Variants in ADAMTSL1 observed in about 807,000 individuals in gnomAD.
ADAMTSL1 encodes the protein ADAMTS like 1, also known as ADAMTS-like protein 1.
ADAMTSL1 carries 126 observed loss-of-function variants against 201.8 expected under a neutral mutation model. The ratio of observed to expected loss-of-function variants is 0.62; its 90% confidence interval spans 0.54 to 0.72. The LOEUF (loss-of-function observed/expected upper bound fraction) is 0.72. ADAMTSL1 is among the 30% of genes least tolerant of loss of function. The probability of loss-of-function intolerance (pLI) is 0.00; values close to 1 mark genes in which losing one functional copy is unlikely to be tolerated. For synonymous variants in ADAMTSL1, 1,121 were observed against 903.4 expected (o/e 1.24, Z -4.32); for missense variants, 2,679 against 2,277.8 (o/e 1.18, Z -3.59).
Position 18,906,860 on chromosome 9 carries a change from G to T in ADAMTSL1, c.5130G>T (p.Trp1710Cys), listed in dbSNP as rs760817930. 1 of 1,613,984 alleles carries T rather than the reference G, an allele frequency of 6.2e-7. No individual in the cohort carries two copies. Among genetic ancestry groups the T allele is most frequent in the South Asian group, 1.1e-5 (1 of 91,074 alleles). ...CAGTGCCTGAGCACCTGTGCTCCTG[G>T]GGGCCCCGGCCTGCCAACTGGCAGC... The part of the protein sequence containing the change: ...NKAVPEHLCS[W>C]GPRPANWQRC... The change falls in exon 28 of 29, where the codon TGG (tryptophan) becomes TGT (cysteine). Residue 1710 changes from tryptophan to cysteine, a missense_variant. Physicochemically the swap from Trp to Cys is radical, Grantham distance 215 (BLOSUM62 -2). Transcript: ENST00000380548.
intron 7 of ADAMTSL1, among the ~76,000 whole-genome samples, chr9:18,641,858 C>T (rs183721495): frequency 1.4e-3 from 206 of 151,962 alleles, no homozygotes; most frequent in African/African-American, 4.8e-3. Context: ...ATTAAGCTTT[C>T]AGTAGCATTC....
intron 2 of ADAMTSL1, among the ~76,000 whole-genome samples, chr9:18,337,218 C>A (rs536349487): frequency 6.6e-6 from 1 of 152,226 alleles, no homozygotes; most frequent in East Asian, 1.9e-4. Flanking sequence ...AGTCTTCCAG[C>A]CTTCATCCTT....
At chr9:18,603,408 A>G (rs969235687) in intron 4 of ADAMTSL1, among the ~76,000 whole-genome samples, 2 of 143,970 alleles carry the variant, frequency 1.4e-5, no homozygotes, top group Admixed American at 6.9e-5. Context: ...ATGCTATGCT[A>G]TGCTATGCTA....
chr9:18,361,401 T>C (rs893492097), intron 2 of ADAMTSL1, among the ~76,000 whole-genome samples: 5 of 152,242 alleles, frequency 3.3e-5, no homozygotes, highest in African/African-American at 9.6e-5. Flanking sequence ...AGTTTTGTCA[T>C]TGAACATTAA....
intron 15 of ADAMTSL1, among the ~76,000 whole-genome samples, chr9:18,750,410 C>T (rs1447331283): frequency 1.3e-5 from 2 of 152,098 alleles, no homozygotes; most frequent in East Asian, 3.9e-4. Flanking sequence ...TTTGTTCATT[C>T]AATTTTATGT....
chr9:17,933,463 AC>A (rs1826882636), intron 1 of ADAMTSL1, among the ~76,000 whole-genome samples: 1 of 152,124 alleles, frequency 6.6e-6, no homozygotes, highest in Non-Finnish European at 1.5e-5. Context: ...AGTCTACCAC[AC>A]CCATGGATGG....
chr9:18,715,842 C>G (rs1832894163), intron 14 of ADAMTSL1, among the ~76,000 whole-genome samples: 1 of 151,978 alleles, frequency 6.6e-6, no homozygotes, highest in South Asian at 2.1e-4. Context: ...AGCCATACTA[C>G]AAGGCTACAG....
chr9:18,038,317 A>T (rs1267557811), intron 1 of ADAMTSL1, among the ~76,000 whole-genome samples: 1 of 152,092 alleles, frequency 6.6e-6, no homozygotes, highest in East Asian at 1.9e-4. Flanking sequence ...GGGATCTTAG[A>T]ATGGTCCATT....
At chr9:18,668,513 G>A (rs1829609074) in intron 9 of ADAMTSL1, among the ~76,000 whole-genome samples, 1 of 152,142 alleles carries the variant, frequency 6.6e-6, no homozygotes, top group African/African-American at 2.4e-5. Flanking sequence ...TAATTGGCCT[G>A]TGAGTTAATA....
chr9:17,951,375 C>G (rs949101498), intron 1 of ADAMTSL1, among the ~76,000 whole-genome samples: 10 of 152,016 alleles, frequency 6.6e-5, no homozygotes, highest in Non-Finnish European at 1.3e-4. Context: ...CTTTGGCATA[C>G]AATTTTTTTT....
rs535773107 is a variant in ADAMTSL1, at chr9:18,478,925, A to G, written c.63+4630A>G. On this transcript the variant is annotated intron_variant, in intron 1 of 28. Coordinates refer to ENST00000380548, the MANE Select transcript of ADAMTSL1 (RefSeq NM_001040272.6). ...GACAAGTGCGTGTCATTTTCTGTCT[A>G]CATCATAAAAACCATACCATGTGGT... Among the ~76,000 whole-genome samples, 106 of 152,322 alleles carry G rather than the reference A, an allele frequency of 7.0e-4. 1 individual carries two copies. The Middle Eastern group carries it at 0.01, about 15-fold the overall frequency.
chr9:18,738,331 A>G (rs1393067187), intron 15 of ADAMTSL1, among the ~76,000 whole-genome samples: 1 of 152,224 alleles, frequency 6.6e-6, no homozygotes, highest in Non-Finnish European at 1.5e-5. Flanking sequence ...GCTTTCAAAC[A>G]TGTGCGTAGC....
chr9:18,531,640 C>T (rs1410927500), intron 2 of ADAMTSL1, among the ~76,000 whole-genome samples: 1 of 152,142 alleles, frequency 6.6e-6, no homozygotes, highest in African/African-American at 2.4e-5. Context: ...CTTCTGGTAA[C>T]ATTCTCAAGA....
At chr9:18,603,118 G>T (rs746359311) in intron 4 of ADAMTSL1, among the ~76,000 whole-genome samples, 3 of 152,128 alleles carry the variant, frequency 2.0e-5, no homozygotes, top group Non-Finnish European at 2.9e-5. Context: ...TGGGTTTGTT[G>T]TTGTAATCAT....
At chr9:18,512,364 G>C (rs191182410) in intron 2 of ADAMTSL1, among the ~76,000 whole-genome samples, 5 of 151,974 alleles carry the variant, frequency 3.3e-5, no homozygotes, top group Non-Finnish European at 5.9e-5. Flanking sequence ...AAGATGGTTA[G>C]AAATGTGTTT....
At chr9:18,158,197 T>A (rs1827237385) in intron 1 of ADAMTSL1, among the ~76,000 whole-genome samples, 1 of 151,980 alleles carries the variant, frequency 6.6e-6, no homozygotes, top group Non-Finnish European at 1.5e-5. Flanking sequence ...TTTGATAAGC[T>A]GATTGAGCCT....
chr9:18,176,007 C>CAAAAAAAAAA (rs57982328), intron 2 of ADAMTSL1, among the ~76,000 whole-genome samples: 4 of 62,576 alleles, frequency 6.4e-5, no homozygotes, highest in Non-Finnish European at 8.6e-5. Flanking sequence ...AGAGGGAAAG[C>CAAAAAAAAAA]AAAAAAAAAA....
intron 20 of ADAMTSL1, among the ~76,000 whole-genome samples, chr9:18,800,709 C>A (rs923175016): frequency 1.3e-5 from 2 of 152,102 alleles, no homozygotes; most frequent in Admixed American, 1.3e-4. Context: ...AAAGCAATTC[C>A]AACATCTATT....
intron 2 of ADAMTSL1, among the ~76,000 whole-genome samples, chr9:18,222,291 A>G (rs1232390870): frequency 6.6e-6 from 1 of 151,616 alleles, no homozygotes; most frequent in African/African-American, 2.4e-5. Context: ...TCTTATTGTC[A>G]TTTGGATTCA....
Sources: gnomAD v4.1 joint callset for allele counts (sites outside exome capture counted in the v4.1 genomes callset) on GRCh38, gnomAD v4.1.1 for gene constraint, MANE v1.5 for transcripts, NCBI Gene and HGNC (gene_info 2026-07-23, HGNC 2026-07-21) for gene names.